Variants in SH2B2 observed in about 807,000 individuals in gnomAD.
SH2B2 encodes SH2B adaptor protein 2.
SH2B2 carries 37 observed loss-of-function variants against 35.7 expected under a neutral mutation model. That is an observed-to-expected ratio of 1.04 (90% CI 0.80 to 1.36). SH2B2 has a LOEUF of 1.36. Among genes scored for constraint, SH2B2 ranks in the 40% most tolerant of loss-of-function variants. SH2B2 has a pLI of 0.00. For missense variants in SH2B2, 852 were observed against 817.7 expected (o/e 1.04, Z -0.51); for synonymous variants, 383 against 376.4 (o/e 1.02, Z -0.20).
chr7:102,317,530 C>G (rs1793896859), intron 7 of SH2B2, 135 bp downstream of exon 7: 1 of 773,408 alleles, frequency 1.3e-6, no homozygotes, highest in Admixed American at 3.1e-5. Flanking sequence ...CCACGGGCCC[C>G]ACTCACCCCA....
chr7:102,318,258 C>G (rs544942820), intron 7 of SH2B2, among the ~76,000 whole-genome samples: 1 of 152,308 alleles, frequency 6.6e-6, no homozygotes, highest in African/African-American at 2.4e-5. Flanking sequence ...TGTGCCTCAG[C>G]CTCCCAAGTA....
chr7:102,295,163 G>T (rs1792852595), intron 1 of SH2B2, among the ~76,000 whole-genome samples: 2 of 152,192 alleles, frequency 1.3e-5, no homozygotes, highest in Non-Finnish European at 2.9e-5. Flanking sequence ...GACAGGGATT[G>T]ATGTCTAGGA....
In SH2B2 at chr7:102,297,917, G is replaced by A. The variant is rs565674573; in HGVS notation, c.-29-2605G>A. Among the ~76,000 whole-genome samples the A allele has an allele frequency of 6.6e-6, 1 of 152,320 alleles. No homozygotes were observed. The highest frequency in any genetic ancestry group is 1.9e-4 in the East Asian group (1 of 5,192). On this transcript the variant is annotated intron_variant, in intron 1 of 8. Transcript: ENST00000444095. The surrounding 1 kb of genome is among the most constrained non-coding windows in gnomAD (Gnocchi z 4.3). ...CATCAGAGGGAGTATTGTCATCAGA[G>A]GGATTTGTCATTCTCAAGAGTGGTC...
intron 4 of SH2B2, among the ~76,000 whole-genome samples, chr7:102,310,245 G>A (rs1330366523): frequency 6.6e-6 from 1 of 152,206 alleles, no homozygotes; most frequent in East Asian, 1.9e-4. Flanking sequence ...GAACCCGGGA[G>A]GCAGAGGTTG....
intron 6 of SH2B2, among the ~76,000 whole-genome samples, chr7:102,316,883 G>C (rs1278837628): frequency 2.0e-5 from 3 of 151,994 alleles, no homozygotes; most frequent in Non-Finnish European, 4.4e-5. Context: ...GTTGGGTGTG[G>C]TGGTGGGCGC....
chr7:102,285,826 G>A (rs1792422341), upstream of SH2B2, among the ~76,000 whole-genome samples: 3 of 152,212 alleles, frequency 2.0e-5, no homozygotes, highest in South Asian at 6.2e-4. Flanking sequence ...AGACACCCAG[G>A]GGTCCCCCCC....
upstream of SH2B2, among the ~76,000 whole-genome samples, chr7:102,285,505 C>G (rs1303347906): frequency 6.6e-6 from 1 of 152,214 alleles, no homozygotes; most frequent in Non-Finnish European, 1.5e-5. Flanking sequence ...GGAACAGAGC[C>G]GAGATGTGGG....
At chr7:102,310,096 A>C (rs1586592901) in intron 4 of SH2B2, among the ~76,000 whole-genome samples, 1 of 152,306 alleles carries the variant, frequency 6.6e-6, no homozygotes, top group East Asian at 1.9e-4. Flanking sequence ...CAGGCGGATC[A>C]CCTGAGGTCA....
intron 7 of SH2B2, 109 bp downstream of exon 7, chr7:102,317,504 G>T: frequency 1.9e-6 from 2 of 1,071,498 alleles, no homozygotes; most frequent in South Asian, 3.7e-5. Context: ...CAGGCGAACA[G>T]GTGTGGCATG....
chr7:102,297,491 A>G lies in SH2B2; in HGVS notation c.-29-3031A>G, dbSNP rs1554552709. 6.6e-6 allele frequency among the ~76,000 whole-genome samples: 1 copy of G among 152,106 alleles called. No homozygotes were observed. The highest frequency in any genetic ancestry group is 2.4e-5 in the African/African-American group (1 of 41,418). On this transcript the variant is annotated intron_variant, in intron 1 of 8. Coordinates refer to ENST00000444095, the MANE Select transcript of SH2B2 (RefSeq NM_001359228.2). This position sits in a 1 kb window ranked among gnomAD's most constrained non-coding sequence, Gnocchi z 4.3. ...GCATCTGCTGGGGTTCTTGGGACAT[A>G]TACCCCTTGAACGAGAGGGAACTAC...
intron 8 of SH2B2, 23 bp downstream of exon 8, chr7:102,320,525 G>GT (rs1554558215): frequency 1.9e-6 from 3 of 1,605,322 alleles, no homozygotes; most frequent in Non-Finnish European, 2.5e-6. Flanking sequence ...CACCTGGCTG[G>GT]TGTGATTACT....
chr7:102,290,608 G>T (rs373013148), intron 1 of SH2B2, among the ~76,000 whole-genome samples: 9 of 152,170 alleles, frequency 5.9e-5, no homozygotes, highest in Admixed American at 5.9e-4. Context: ...CCCACCTGGC[G>T]TCTGACACAC....
chr7:102,321,564 C>T lies in SH2B2; in HGVS notation c.1833C>T (p.Ala611=). Residue 611 remains alanine, a synonymous_variant, in exon 9 of 9, where the codon GCC becomes GCT. Transcript: ENST00000444095. ...RLLEAVAATA[A]EEPPEAAPGR... is the part of the protein sequence containing the mutation. Reference sequence around the variant, plus strand: ...TGGAGGCCGTGGCCGCCACCGCCGCCGAGGAGCCCCCGGAGGCCGCGCCCG... The same window carrying T: ...TGGAGGCCGTGGCCGCCACCGCCGCTGAGGAGCCCCCGGAGGCCGCGCCCG... 8.7e-7 allele frequency: 1 copy of T among 1,155,570 alleles called. No homozygotes were observed. 71.6% of individuals were successfully genotyped at this position (1,155,570 alleles called of 1,614,324 possible). A position where few individuals can be genotyped will look rare whatever the true frequency, so the allele number is the denominator to read the frequency against.
Position 102,297,577 on chromosome 7 carries a change from G to T in SH2B2, c.-29-2945G>T, listed in dbSNP as rs578077241. 1.3e-5 allele frequency among the ~76,000 whole-genome samples: 2 copies of T among 152,306 alleles called. No homozygotes were observed. Among genetic ancestry groups the T allele is most frequent in the South Asian group, 4.1e-4 (2 of 4,826 alleles). ...TCCTGGAGTCACTGCAGACCTGGGCGAGAACCCTGGACCTGTCTTGTCACT... is the reference window on the plus strand; with the variant it reads ...TCCTGGAGTCACTGCAGACCTGGGCTAGAACCCTGGACCTGTCTTGTCACT... On this transcript the variant is annotated intron_variant, in intron 1 of 8. Coordinates refer to ENST00000444095, the MANE Select transcript of SH2B2 (RefSeq NM_001359228.2). The surrounding 1 kb of genome is among the most constrained non-coding windows in gnomAD (Gnocchi z 4.3).
chr7:102,285,368 C>T, upstream of SH2B2: 1 of 772,422 alleles, frequency 1.3e-6, no homozygotes, highest in Non-Finnish European at 2.2e-6. Context: ...CCTCCTCCCC[C>T]TTCCCGGCCT....
rs532031094 is a variant in SH2B2, at chr7:102,319,877, C to T, written c.1396-454C>T. The stretch of plus-strand genomic sequence containing the variant: ...AGCCCTGGGGAGCTTTCCATGCCTC[C>T]GGGTTTTGGCTCTGCAGGGACAGAG... On this transcript the variant is annotated intron_variant, in intron 7 of 8. Coordinates refer to ENST00000444095, the MANE Select transcript of SH2B2 (RefSeq NM_001359228.2). Among the ~76,000 whole-genome samples the T allele has an allele frequency of 3.9e-5, 6 of 151,904 alleles. 1 individual carries two copies. The highest frequency in any genetic ancestry group is 2.6e-4 in the Admixed American group (4 of 15,268).
At chr7:102,285,193 C>T (rs1231211086), upstream of SH2B2, 7 of 1,551,140 alleles carry the variant, frequency 4.5e-6, no homozygotes, top group Admixed American at 2.0e-5. Flanking sequence ...CATGGCTTCC[C>T]ATCTCAGGAC....
chr7:102,302,943 A>G (rs1554554214), intron 2 of SH2B2, among the ~76,000 whole-genome samples: 1 of 152,018 alleles, frequency 6.6e-6, no homozygotes, highest in African/African-American at 2.4e-5. Flanking sequence ...AACAAAACAA[A>G]AAACTGGGGG....
At chr7:102,306,424 A>G (rs375925209) in intron 2 of SH2B2, among the ~76,000 whole-genome samples, 51 of 152,154 alleles carry the variant, frequency 3.4e-4, no homozygotes, top group African/African-American at 1.2e-3. Context: ...AGGTCTTGCT[A>G]TGCTGTCCAG....
Sources: allele counts gnomAD v4.1 joint callset (sites outside exome capture counted in the v4.1 genomes callset), GRCh38; gene constraint gnomAD v4.1.1; non-coding constraint Gnocchi (gnomAD v3.1); transcripts MANE v1.5; gene names NCBI Gene and HGNC (gene_info 2026-07-23, HGNC 2026-07-21).